Variants in SIN3B observed in about 807,000 individuals in gnomAD.
SIN3B encodes the protein SIN3 transcription regulator family member B, also known as paired amphipathic helix protein Sin3b.
A neutral mutation model predicts 120.2 loss-of-function variants in SIN3B; 19 were observed. That is an observed-to-expected ratio of 0.16 (90% CI 0.11 to 0.23). SIN3B has a LOEUF of 0.23. Ranked by LOEUF, SIN3B falls within the 10% of genes least tolerant of loss-of-function variation. The pLI, the probability that SIN3B is intolerant of heterozygous loss-of-function variation, is 1.00. For synonymous variants in SIN3B, 654 were observed against 653.2 expected, an observed-to-expected ratio of 1.00 and a Z score of -0.02; for missense variants, 1,073 against 1,573.0, an observed-to-expected ratio of 0.68 and a Z score of 5.38.
chr19:16,840,940 C>G (rs965252567), intron 3 of SIN3B, among the ~76,000 whole-genome samples: 1 of 152,098 alleles, frequency 6.6e-6, no homozygotes, highest in African/African-American at 2.4e-5. Flanking sequence ...GGTGAAAGAG[C>G]GTTCTCTAGG....
intron 8 of SIN3B, among the ~76,000 whole-genome samples, chr19:16,857,936 G>A (rs1971638650): frequency 6.6e-6 from 1 of 152,072 alleles, no homozygotes; most frequent in Non-Finnish European, 1.5e-5. Context: ...GAGTGCAATG[G>A]TGCGATCTCA....
At chr19:16,865,053 G>A (rs1440984650) in intron 10 of SIN3B, 2 of 177,494 alleles carry the variant, frequency 1.1e-5, no homozygotes, top group Admixed American at 6.0e-5. Context: ...GGCTGGTCTC[G>A]AACTCGTGAC....
intron 11 of SIN3B, among the ~76,000 whole-genome samples, chr19:16,865,896 T>C (rs537752119): frequency 5.9e-5 from 9 of 152,172 alleles, no homozygotes; most frequent in Non-Finnish European, 1.3e-4. Context: ...CATCTAGACA[T>C]CTAAATAACT....
At chr19:16,855,781 T>A (rs1429534960) in intron 8 of SIN3B, 1 of 150,490 alleles carries the variant, frequency 6.6e-6, no homozygotes, top group Non-Finnish European at 1.5e-5. Flanking sequence ...TTGGGTTAGG[T>A]GCGGTGGCTC....
Position 16,877,324 on chromosome 19 carries a change from T to G in SIN3B, c.2860-221T>G, listed in dbSNP as rs921728013. ...GGGGGCTTCTGGCGCTCCTCAGCTG[T>G]GGCCTGGTTGTGTGAGTCCCGCTGT... On this transcript the variant is annotated intron_variant, in intron 16 of 18. Coordinates refer to ENST00000248054, the MANE Select transcript of SIN3B (RefSeq NM_001297595.2). The G allele has an allele frequency of 5.4e-6, 3 of 556,938 alleles. No homozygotes were observed. The African/African-American group carries it at 5.7e-5, about 11-fold the overall frequency. The allele number at this position is 556,938 out of a possible 1,614,324, so 34.5% of individuals were successfully genotyped here.
intron 14 of SIN3B, chr19:16,875,789 C>CTGTT (rs2051594099): frequency 4.1e-6 from 2 of 483,806 alleles, no homozygotes; most frequent in Non-Finnish European, 7.3e-6. Flanking sequence ...CTGGTCTGGT[C>CTGTT]TGGTCTGGTC....
intron 7 of SIN3B, 68 bp from the exon 8 acceptor site, chr19:16,854,075 A>G (rs899137068): frequency 8.3e-7 from 1 of 1,206,850 alleles, no homozygotes; most frequent in Middle Eastern, 2.9e-4. Context: ...TGGCTGACCT[A>G]CAAGTGAGCC....
chr19:16,851,824 C>T (rs1424919552), intron 6 of SIN3B, among the ~76,000 whole-genome samples: 1 of 152,236 alleles, frequency 6.6e-6, no homozygotes, highest in Non-Finnish European at 1.5e-5. Context: ...CCTTTTCACC[C>T]TCAGGACTCT....
At chr19:16,861,847 A>G (rs970014638) in intron 8 of SIN3B, among the ~76,000 whole-genome samples, 8 of 151,800 alleles carry the variant, frequency 5.3e-5, no homozygotes, top group African/African-American at 1.9e-4. Context: ...CGGTGGGAGG[A>G]TCTCTTGAGC....
chr19:16,865,687 TC>T (rs1242517207), intron 11 of SIN3B, 39 bp downstream of exon 11: 1 of 1,290,068 alleles, frequency 7.8e-7, no homozygotes, highest in East Asian at 2.7e-5. Context: ...CCCTTCCCCT[TC>T]CCCCTTCCCT....
chr19:16,854,070 G>A, intron 7 of SIN3B, 73 bp from the exon 8 acceptor site: 1 of 1,102,546 alleles, frequency 9.1e-7, no homozygotes, highest in Non-Finnish European at 1.3e-6. Flanking sequence ...CCATGTGGCT[G>A]ACCTACAAGT....
At position 16,875,837 on chromosome 19, in the gene SIN3B, CTGGTCTGGTCTGGTCTGTT is replaced by C. The variant is rs960482241; in HGVS notation, c.2593-200_2593-182del. Reference sequence around the variant, plus strand: ...TCTGGTCTGGTCTGTTTGGTTTGGTCTGGTCTGGTCTGGTCTGTTTGGTCTGGTCTGGTCTGGTCTGGTC... The same window carrying C: ...TCTGGTCTGGTCTGTTTGGTTTGGTCTGGTCTGGTCTGGTCTGGTCTGGTC... On this transcript the variant is annotated intron_variant, in intron 14 of 18. Coordinates refer to ENST00000248054, the MANE Select transcript of SIN3B (RefSeq NM_001297595.2). 116 of 555,882 alleles carry C rather than the reference CTGGTCTGGTCTGGTCTGTT, an allele frequency of 2.1e-4. 1 individual carries two copies. In the African/African-American group the frequency reaches 2.2e-3, roughly 11 times the overall value. 34.4% of individuals were successfully genotyped at this position (555,882 alleles called of 1,614,324 possible).
chr19:16,856,401 T>A (rs900638935), intron 8 of SIN3B, among the ~76,000 whole-genome samples: 1 of 152,110 alleles, frequency 6.6e-6, no homozygotes, highest in Non-Finnish European at 1.5e-5. Context: ...TGTACCGACC[T>A]ATGTGGGGTT....
chr19:16,846,928 C>A, intron 4 of SIN3B, 42 bp from the exon 5 acceptor site: 1 of 1,601,870 alleles, frequency 6.2e-7, no homozygotes, highest in African/African-American at 1.3e-5. Flanking sequence ...GCACAGCACT[C>A]CTTGACTAAC....
chr19:16,876,244 G>A lies in SIN3B; in HGVS notation c.2766+16G>A. 1 of 1,602,520 alleles carries A rather than the reference G, an allele frequency of 6.2e-7. No individual in the cohort carries two copies. On this transcript the variant is annotated intron_variant, in intron 15 of 18. Coordinates refer to ENST00000248054, the MANE Select transcript of SIN3B (RefSeq NM_001297595.2). This position sits in a 1 kb window ranked among gnomAD's most constrained non-coding sequence, Gnocchi z 7.1. ...CTGCTTCAAGGTGAGAGGAGGCCTG[G>A]GGCTGGGAACACGCCGGGAGGCCCG...
intron 8 of SIN3B, among the ~76,000 whole-genome samples, chr19:16,856,878 C>CT (rs1971623098): frequency 6.6e-6 from 1 of 151,934 alleles, no homozygotes; most frequent in South Asian, 2.1e-4. Context: ...GGCCATGATT[C>CT]TTTTTTTTAA....
chr19:16,862,598 G>T lies in SIN3B; in HGVS notation c.1266+39G>T. 1.3e-6 allele frequency: 2 copies of T among 1,550,612 alleles called. No homozygotes were observed. The highest frequency in any genetic ancestry group is 8.8e-7 in the Non-Finnish European group (1 of 1,131,988). ...GGGCTCAAATGTTCGTTGACATGGT[G>T]CATCCCCCACCCCTCCCCAGCAAAC... On this transcript the variant is annotated intron_variant, in intron 9 of 18. Coordinates refer to ENST00000248054, the MANE Select transcript of SIN3B (RefSeq NM_001297595.2). The surrounding 1 kb of genome is among the most constrained non-coding windows in gnomAD (Gnocchi z 4.7).
chr19:16,838,325 C>G (rs1319729103), intron 3 of SIN3B, among the ~76,000 whole-genome samples: 1 of 152,118 alleles, frequency 6.6e-6, no homozygotes, highest in Non-Finnish European at 1.5e-5. Flanking sequence ...AGGATCAAAC[C>G]CTGAACCTCC....
chr19:16,859,851 G>GT (rs1265075177), intron 8 of SIN3B, among the ~76,000 whole-genome samples: 1 of 152,042 alleles, frequency 6.6e-6, no homozygotes, highest in Non-Finnish European at 1.5e-5. Context: ...TGGAGCTGGT[G>GT]TTGGCACCTG....
Sources: allele counts gnomAD v4.1 joint callset (sites outside exome capture counted in the v4.1 genomes callset), GRCh38; gene constraint gnomAD v4.1.1; non-coding constraint Gnocchi (gnomAD v3.1); transcripts MANE v1.5; gene names NCBI Gene and HGNC (gene_info 2026-07-23, HGNC 2026-07-21).